ALS2: variants seen among roughly 807,000 people sequenced by gnomAD.
ALS2 encodes the protein alsin Rho guanine nucleotide exchange factor ALS2, also known as alsin.
In ALS2, 117 loss-of-function variants were observed where a neutral mutation model predicts 203.4. That is an observed-to-expected ratio of 0.58 (90% CI 0.50 to 0.67). The LOEUF is 0.67. ALS2 is among the 30% of genes least tolerant of loss of function. The pLI is 0.00. For missense variants in ALS2, 1,715 were observed against 1,989.4 expected (o/e 0.86, Z 2.62); for synonymous variants, 718 against 725.9 (o/e 0.99, Z 0.17).
intron 13 of ALS2, among the ~76,000 whole-genome samples, chr2:201,732,257 T>C (rs1691602287): frequency 6.6e-6 from 1 of 151,964 alleles, no homozygotes; most frequent in Non-Finnish European, 1.5e-5. Context: ...ATTAAGAGGA[T>C]TCTAAACCTA....
intron 13 of ALS2, among the ~76,000 whole-genome samples, chr2:201,731,861 C>T (rs1256346175): frequency 1.3e-5 from 2 of 151,980 alleles, no homozygotes; most frequent in East Asian, 1.9e-4. Flanking sequence ...TGAAAGAGAA[C>T]CAATATAGTC....
intron 29 of ALS2, among the ~76,000 whole-genome samples, chr2:201,706,155 G>A (rs1689701453): frequency 1.3e-5 from 2 of 152,172 alleles, no homozygotes; most frequent in South Asian, 4.1e-4. Context: ...GGAGGCCGAG[G>A]CGAGCAGATC....
intron 11 of ALS2, among the ~76,000 whole-genome samples, chr2:201,739,335 A>C (rs904297876): frequency 6.6e-6 from 1 of 152,130 alleles, no homozygotes; most frequent in African/African-American, 2.4e-5. Flanking sequence ...GTATCTACCA[A>C]GCAATATCTA....
At chr2:201,757,805 A>T in intron 4 of ALS2, 46 bp from the exon 5 acceptor site, 1 of 1,405,098 alleles carries the variant, frequency 7.1e-7, no homozygotes, top group South Asian at 1.2e-5. Context: ...ATAATCCCTT[A>T]TGCAACAAGC....
rs1691172989 is a variant in ALS2 at position 201,726,489 on chromosome 2, T to C, written c.3243A>G (p.Glu1081=). The C allele has an allele frequency of 6.2e-7, 1 of 1,613,882 alleles. No homozygotes were observed. The highest frequency in any genetic ancestry group is 1.3e-5 in the African/African-American group (1 of 74,948). Residue 1081 remains glutamate (E), a synonymous_variant, in exon 19 of 34, where the codon GAA becomes GAG. Coordinates refer to ENST00000264276, the MANE Select transcript of ALS2 (RefSeq NM_020919.4). ...GTTTTACACAATTTTCTTACCCATCTTCCAAGCCATTCCTGAACATGCCAG... is the reference window on the plus strand; with the variant it reads ...GTTTTACACAATTTTCTTACCCATCCTCCAAGCCATTCCTGAACATGCCAG... ...MYSGMFRNGL[E]DGYGEYRIPN...
At chr2:201,777,666 G>A (rs1694718775) in intron 1 of ALS2, among the ~76,000 whole-genome samples, 1 of 152,070 alleles carries the variant, frequency 6.6e-6, no homozygotes, top group South Asian at 2.1e-4. Flanking sequence ...CTCAGAATTA[G>A]TTACTATTTC....
rs987436780 is a variant in ALS2 at position 201,725,291 on chromosome 2, A to C, written c.3347+65T>G. The C allele has an allele frequency of 6.4e-6, 9 of 1,404,624 alleles. No individual in the cohort carries two copies. In the Admixed American group the frequency reaches 1.0e-4, roughly 16 times the overall value. 87.0% of individuals were successfully genotyped at this position (1,404,624 alleles called of 1,614,324 possible). ...TAAAACTTGGAAATTTTGGCTATGC[A>C]AACATTCAGGTTTACATGGTTATAT... On this transcript the variant is annotated intron_variant, in intron 20 of 33. Coordinates refer to ENST00000264276, the MANE Select transcript of ALS2 (RefSeq NM_020919.4).
Position 201,767,358 on chromosome 2 carries a change from C to T in ALS2, c.46G>A (p.Glu16Lys), listed in dbSNP as rs1292824056. Residue 16 changes from glutamate (E) to lysine (K), a missense_variant, in exon 3 of 34, where the codon GAA (glutamate) becomes AAA (lysine). By Grantham distance (56) the Glu-to-Lys change is moderately conservative. This residue lies in a region of ALS2 where 476 missense variants were observed against 539.3 expected (regional missense o/e 0.88). Coordinates refer to ENST00000264276, the MANE Select transcript of ALS2 (RefSeq NM_020919.4). ...TGCCAGATATGGACCAGGCCTCTTTCCTTGGATCCTTCTGCCTCTGTTGAG... is the reference window on the plus strand; with the variant it reads ...TGCCAGATATGGACCAGGCCTCTTTTCTTGGATCCTTCTGCCTCTGTTGAG... ...RSSTEAEGSK[E>K]RGLVHIWQAG... The T allele has an allele frequency of 6.2e-7, 1 of 1,614,086 alleles. No individual in the cohort carries two copies.
At chr2:201,776,375 TG>T (rs1437883500) in intron 1 of ALS2, among the ~76,000 whole-genome samples, 1 of 151,902 alleles carries the variant, frequency 6.6e-6, no homozygotes. Flanking sequence ...CATGGTGGAG[TG>T]GGGGGAAAGT....
intron 15 of ALS2, 42 bp from the exon 16 acceptor site, chr2:201,727,817 T>C: frequency 6.5e-7 from 1 of 1,528,514 alleles, no homozygotes; most frequent in Non-Finnish European, 8.9e-7. Flanking sequence ...AAAGCCCATG[T>C]AGACCTCGGG....
At chr2:201,742,271 A>C (rs1035052247) in intron 10 of ALS2, among the ~76,000 whole-genome samples, 1 of 152,230 alleles carries the variant, frequency 6.6e-6, no homozygotes, top group Non-Finnish European at 1.5e-5. Context: ...TTGGGGAGTT[A>C]TATCTTTGTA....
At chr2:201,712,909 T>C (rs926562238) in intron 25 of ALS2, among the ~76,000 whole-genome samples, 2 of 152,192 alleles carry the variant, frequency 1.3e-5, no homozygotes, top group Non-Finnish European at 2.9e-5. Context: ...TATGCAGTCA[T>C]TTGAATTGCT....
At chr2:201,704,352 T>C in intron 32 of ALS2, 102 bp downstream of exon 32, 1 of 1,533,260 alleles carries the variant, frequency 6.5e-7, no homozygotes, top group Non-Finnish European at 9.0e-7. Flanking sequence ...TAATCGATTT[T>C]TTTCTAGTGG....
chr2:201,720,748 C>T (rs575752631), intron 23 of ALS2, among the ~76,000 whole-genome samples: 2 of 151,866 alleles, frequency 1.3e-5, no homozygotes, highest in African/African-American at 4.8e-5. Context: ...AACACACACA[C>T]ACAAAGCTTT....
intron 5 of ALS2, among the ~76,000 whole-genome samples, chr2:201,757,053 C>G (rs151150254): frequency 2.1e-4 from 32 of 152,302 alleles, no homozygotes; most frequent in African/African-American, 5.1e-4. Context: ...AAGTCAAGTA[C>G]AGTAATTCAC....
intron 27 of ALS2, among the ~76,000 whole-genome samples, chr2:201,709,209 A>C (rs1689890303): frequency 6.6e-6 from 1 of 152,180 alleles, no homozygotes; most frequent in Admixed American, 6.5e-5. Context: ...CTGCTCAAAT[A>C]CTACCACCGT....
chr2:201,753,159 G>C lies in ALS2; in HGVS notation c.1724C>G (p.Thr575Ser). The C allele has an allele frequency of 6.2e-7, 1 of 1,614,040 alleles. No homozygotes were observed. Among genetic ancestry groups the C allele is most frequent in the African/African-American group, 1.3e-5 (1 of 75,044 alleles). The change falls in exon 7 of 34, where the codon ACT (threonine) becomes AGT (serine). Residue 575 changes from threonine to serine, a missense_variant. Transcript: ENST00000264276. ...EAGGYHSLAL[T>S]AKSQVYSWGS... Reference sequence around the variant, plus strand: ...TTTGCCTCCTACCTGGGATTTCGCAGTAAGTGCAAGAGAATGGTAACCACC... The same window carrying C: ...TTTGCCTCCTACCTGGGATTTCGCACTAAGTGCAAGAGAATGGTAACCACC...
In ALS2 at chr2:201,744,397, T is replaced by G. The variant is rs1051782554; in HGVS notation, c.2031A>C (p.Lys677Asn). ...LGYISRVTAG[K>N]DSYLALVDKN... ...TATCCACCAAGGCTAAATAGCTATC[T>G]TTTCCTGCTGTCACTCTGCTTATAT... Residue 677 changes from lysine to asparagine, a missense_variant, in exon 10 of 34, where the codon AAA becomes AAC. Around this residue, in one of 3 missense-constraint regions of ALS2, gnomAD observed 1,227 missense variants for 1,413.5 expected, o/e 0.87. Transcript: ENST00000264276. The G allele has an allele frequency of 1.9e-6, 3 of 1,614,130 alleles. No individual in the cohort carries two copies. The African/African-American group carries it at 4.0e-5, about 22-fold the overall frequency.
chr2:201,745,607 G>C (rs1486043503), intron 9 of ALS2, among the ~76,000 whole-genome samples: 1 of 152,036 alleles, frequency 6.6e-6, no homozygotes, highest in Non-Finnish European at 1.5e-5. Context: ...AAACAGAGTG[G>C]GAAAGCAGAT....
Sources: gnomAD v4.1 joint callset for allele counts (sites outside exome capture counted in the v4.1 genomes callset) on GRCh38, gnomAD v4.1.1 for gene constraint, gnomAD v4.1.1 regional missense constraint, MANE v1.5 for transcripts, NCBI Gene and HGNC (gene_info 2026-07-23, HGNC 2026-07-21) for gene names.